Variants in NECAB3 observed in about 807,000 individuals in gnomAD.
NECAB3 encodes N-terminal EF-hand calcium binding protein 3, also known as N-terminal EF-hand calcium-binding protein 3.
NECAB3 carries 38 observed loss-of-function variants against 57.2 expected under a neutral mutation model. That is an observed-to-expected ratio of 0.66 (90% confidence interval 0.51 to 0.87). NECAB3 has a LOEUF of 0.87. Among genes scored for constraint, NECAB3 ranks in the 40% least tolerant of loss-of-function variants. The pLI, the probability that NECAB3 is intolerant of heterozygous loss-of-function variation, is 0.00. For missense variants in NECAB3, 474 were observed against 527.5 expected, an observed-to-expected ratio of 0.90 and a Z score of 0.99; for synonymous variants, 223 against 222.6, an observed-to-expected ratio of 1.00 and a Z score of -0.02.
At chr20:33,662,339 C>A (rs1194086961) in intron 5 of NECAB3, 5 of 1,550,814 alleles carry the variant, frequency 3.2e-6, no homozygotes, top group African/African-American at 2.7e-5. Flanking sequence ...TGGTGACCAG[C>A]CCTGCCATGG....
intron 5 of NECAB3, chr20:33,668,362 T>C: frequency 1.5e-6 from 2 of 1,327,342 alleles, no homozygotes; most frequent in East Asian, 2.5e-5. Flanking sequence ...CCCCATACCC[T>C]TTCTGGGCCA....
chr20:33,663,798 TCCCCGCGAAGCCGG>T, intron 5 of NECAB3: 1 of 1,417,474 alleles, frequency 7.1e-7, no homozygotes, highest in Non-Finnish European at 9.1e-7. Context: ...CGGGGAAGGC[TCCCCGCGAAGCCGG>T]CCCCGCCGAG....
intron 5 of NECAB3, chr20:33,664,959 TATA>T (rs2017603342): frequency 6.6e-6 from 1 of 151,368 alleles, no homozygotes; most frequent in East Asian, 1.9e-4. Context: ...CTGCAAGAGC[TATA>T]ACATCACTCC....
At chr20:33,669,254 C>T in intron 5 of NECAB3, 121 bp downstream of exon 5, 1 of 971,122 alleles carries the variant, frequency 1.0e-6, no homozygotes, top group South Asian at 1.5e-5. Context: ...AAAGTGGGAG[C>T]CAGGATTTGA....
At position 33,669,450 on chromosome 20, in the gene NECAB3, A is replaced by T; in HGVS notation, c.312T>A (p.Gly104=). The T allele has an allele frequency of 6.2e-7, 1 of 1,613,680 alleles. No individual in the cohort carries two copies. Among genetic ancestry groups the T allele is most frequent in the Non-Finnish European group, 8.5e-7 (1 of 1,180,000 alleles). Reference sequence around the variant, plus strand: ...ATGCAGCCAGCACCGGCCGGTAGACACCCAGGTGCTCTGAGAAGTAGTCTG... The same window carrying T: ...ATGCAGCCAGCACCGGCCGGTAGACTCCCAGGTGCTCTGAGAAGTAGTCTG... ...KLCDYFSEHL[G]VYRPVLAALE... is the part of the protein sequence containing the mutation. The change falls in exon 5 of 12, where the codon GGT becomes GGA. Residue 104 remains glycine, a synonymous_variant. Transcript: ENST00000246190.
chr20:33,673,963 C>A (rs915113243), intron 1 of NECAB3, among the ~76,000 whole-genome samples: 1 of 152,230 alleles, frequency 6.6e-6, no homozygotes, highest in East Asian at 1.9e-4. Flanking sequence ...TTGTCGCCAG[C>A]CCCCCGCCAA....
intron 5 of NECAB3, chr20:33,668,291 G>C: frequency 6.5e-7 from 1 of 1,529,486 alleles, no homozygotes. Flanking sequence ...TCTATCTAAA[G>C]AGTCAAGTGT....
chr20:33,670,399 T>C, intron 3 of NECAB3: 1 of 373,732 alleles, frequency 2.7e-6, no homozygotes, highest in South Asian at 5.1e-5. Context: ...GGGGCCCAGC[T>C]GTCCCCAGGC....
chr20:33,661,871 G>C (rs1300268436), intron 5 of NECAB3, among the ~76,000 whole-genome samples: 1 of 152,132 alleles, frequency 6.6e-6, no homozygotes, highest in South Asian at 2.1e-4. Flanking sequence ...GGCTGGACTC[G>C]AACTCCTGAC....
At chr20:33,662,279 T>C (rs2017500634) in intron 5 of NECAB3, 1 of 1,532,640 alleles carries the variant, frequency 6.5e-7, no homozygotes, top group Non-Finnish European at 8.8e-7. Context: ...GTCACAATGT[T>C]GCCAGGGCCC....
chr20:33,674,872 G>C (rs981231650), upstream of NECAB3: 1 of 152,240 alleles, frequency 6.6e-6, no homozygotes, highest in Non-Finnish European at 1.5e-5. Context: ...CGCCCTCTCT[G>C]GCACTAAGCG....
intron 3 of NECAB3, 113 bp downstream of exon 3, chr20:33,670,571 T>G: frequency 1.4e-6 from 1 of 716,022 alleles, no homozygotes; most frequent in Non-Finnish European, 2.3e-6. Context: ...CCCTGGTACC[T>G]TTCTCCCTGC....
intron 5 of NECAB3, chr20:33,663,715 G>A (rs1467137727): frequency 5.9e-6 from 9 of 1,528,082 alleles, no homozygotes; most frequent in Admixed American, 1.9e-5. Context: ...GCGGCAAGAG[G>A]CGCGGCGGCC....
intron 1 of NECAB3, 79 bp downstream of exon 1, chr20:33,674,145 G>A: frequency 5.8e-6 from 7 of 1,211,548 alleles, no homozygotes; most frequent in East Asian, 3.3e-5. Flanking sequence ...ACAGCGGCGG[G>A]GCCCGAACAA....
chr20:33,667,243 G>C (rs572614403), intron 5 of NECAB3: 1 of 402,690 alleles, frequency 2.5e-6, no homozygotes, highest in Admixed American at 4.6e-5. Flanking sequence ...GCCCAGCTGG[G>C]ACCGGCCGGT....
rs368891535 is a variant in NECAB3 at position 33,669,619 on chromosome 20, G to A, written c.289+68C>T. 751 of 1,546,858 alleles carry A rather than the reference G, an allele frequency of 4.9e-4. 1 individual carries two copies. The highest frequency in any genetic ancestry group is 6.4e-4 in the Non-Finnish European group (736 of 1,142,098). On this transcript the variant is annotated intron_variant, in intron 4 of 11. Coordinates refer to ENST00000246190, the MANE Select transcript of NECAB3 (RefSeq NM_031232.4). ...CTGTCCCATCAGGAGACCAGCAACA[G>A]TCCCTTGCCACACGTACCCTGGGGC...
At chr20:33,664,134 T>C in intron 5 of NECAB3, 1 of 437,164 alleles carries the variant, frequency 2.3e-6, no homozygotes, top group Non-Finnish European at 4.0e-6. Flanking sequence ...CCCCCAACAC[T>C]CCAAATCCAG....
upstream of NECAB3, chr20:33,674,529 C>G (rs781298632): frequency 1.0e-5 from 5 of 488,040 alleles, no homozygotes; most frequent in Non-Finnish European, 1.3e-5. Flanking sequence ...AACTCCAGCG[C>G]CGCGGGCCTC....
chr20:33,659,509 C>A lies in NECAB3; in HGVS notation c.867G>T (p.Lys289Asn). 1.3e-6 allele frequency: 2 copies of A among 1,494,182 alleles called. No homozygotes were observed. The highest frequency in any genetic ancestry group is 2.4e-5 in the East Asian group (1 of 40,948). The allele number at this position is 1,494,182 out of a possible 1,614,324, so 92.6% of individuals were successfully genotyped here. ...CTCCTGGGCTCACCAAGTCAGGCCC[C>A]TTGGCCAGGTCCTCTTCACGCAGGG... ...LEPLREEDLA[K>N]GPDLHILMAQ... Residue 289 changes from lysine to asparagine, a missense_variant, in exon 8 of 12, where the codon AAG becomes AAT. Lys to Asn is a moderately conservative substitution (Grantham distance 94). Transcript: ENST00000246190.
Sources: gnomAD v4.1 joint callset for allele counts (sites outside exome capture counted in the v4.1 genomes callset) on GRCh38, gnomAD v4.1.1 for gene constraint, MANE v1.5 for transcripts, NCBI Gene and HGNC (gene_info 2026-07-23, HGNC 2026-07-21) for gene names.